Variants in SMYD2 observed in about 807,000 individuals in gnomAD.
The protein encoded by SMYD2 is N-lysine methyltransferase SMYD2.
A neutral mutation model predicts 59.1 loss-of-function variants in SMYD2; 53 were observed. The ratio of observed to expected loss-of-function variants is 0.90; its 90% CI spans 0.72 to 1.13. The LOEUF is 1.13. Ranked by LOEUF, SMYD2 falls within the 50% of genes most tolerant of loss-of-function variation. The pLI is 0.00. For synonymous variants in SMYD2, 208 were observed against 198.8 expected (o/e 1.05, Z -0.39); for missense variants, 494 against 544.7 (o/e 0.91, Z 0.93).
intron 1 of SMYD2, among the ~76,000 whole-genome samples, chr1:214,284,304 A>C (rs1434375250): frequency 9.2e-6 from 1 of 108,706 alleles, no homozygotes; most frequent in Non-Finnish European, 1.7e-5. Flanking sequence ...CTTGTTGCCC[A>C]GGCTGGAGTG....
chr1:214,284,609 C>G (rs1656504165), intron 1 of SMYD2, among the ~76,000 whole-genome samples: 1 of 151,732 alleles, frequency 6.6e-6, no homozygotes. Flanking sequence ...CTCTGTTGCC[C>G]AGGCTGGAGT....
rs1259451106 is a variant in SMYD2 at position 214,284,253 on chromosome 1, G to GTTTTTTT, written c.173+2826_173+2827insTTTTTTT. Among the ~76,000 whole-genome samples, 100 of 76,774 alleles carry GTTTTTTT rather than the reference G, an allele frequency of 1.3e-3. 2 individuals are homozygous for GTTTTTTT. The highest frequency in any genetic ancestry group is 2.4e-3 in the African/African-American group (40 of 16,928). 50.4% of individuals were successfully genotyped at this position (76,774 alleles called of 152,430 possible). Reference sequence around the variant, plus strand: ...GCCATTTATCACCATTTTTTGGTGTGGTTTTTTTTTTTTTTTTTTTTTTTG... The same window carrying GTTTTTTT: ...GCCATTTATCACCATTTTTTGGTGTGTTTTTTTGTTTTTTTTTTTTTTTTTTTTTTTG... On this transcript the variant is annotated intron_variant, in intron 1 of 11. Coordinates refer to ENST00000366957, the MANE Select transcript of SMYD2 (RefSeq NM_020197.3).
chr1:214,331,178 A>G, intron 9 of SMYD2, 108 bp downstream of exon 9: 10 of 1,511,100 alleles, frequency 6.6e-6, no homozygotes, highest in East Asian at 2.3e-5. Flanking sequence ...TCTGAAAACC[A>G]AAGGAGGAAT....
At chr1:214,331,328 G>A in intron 9 of SMYD2, 1 of 409,972 alleles carries the variant, frequency 2.4e-6, no homozygotes, top group Non-Finnish European at 4.5e-6. Flanking sequence ...GAAGGACAGA[G>A]CCTTGATGGC....
chr1:214,315,743 G>A (rs1350441163), intron 3 of SMYD2, among the ~76,000 whole-genome samples: 1 of 152,222 alleles, frequency 6.6e-6, no homozygotes, highest in Non-Finnish European at 1.5e-5. Flanking sequence ...AATGTGTACA[G>A]CAGTTACAAG....
rs144604941 is a variant in SMYD2, at chr1:214,297,418, G to A, written c.174-7769G>A. On this transcript the variant is annotated intron_variant, in intron 1 of 11. Coordinates refer to ENST00000366957, the MANE Select transcript of SMYD2 (RefSeq NM_020197.3). ...ATTACATTGCAAATGAAAAATTTAC[G>A]ACTGTGTCTTTTGTAGGAACGGAGT... 9.6e-3 allele frequency among the ~76,000 whole-genome samples: 1,461 copies of A among 151,702 alleles called. 27 individuals carry two copies. The highest frequency in any genetic ancestry group is 0.033 in the African/African-American group (1,370 of 41,308).
intron 1 of SMYD2, among the ~76,000 whole-genome samples, chr1:214,302,874 C>T (rs1002586042): frequency 2.0e-5 from 3 of 152,120 alleles, no homozygotes; most frequent in Admixed American, 2.0e-4. Flanking sequence ...TGTTGTGGAG[C>T]TAATAAATGT....
chr1:214,336,445 T>C (rs1336469676), intron 11 of SMYD2, among the ~76,000 whole-genome samples: 3 of 152,204 alleles, frequency 2.0e-5, no homozygotes. Context: ...GGCAGGAGAA[T>C]GGCGTGAACC....
chr1:214,281,797 CA>C (rs1656454712), intron 1 of SMYD2, among the ~76,000 whole-genome samples: 1 of 152,264 alleles, frequency 6.6e-6, no homozygotes, highest in Non-Finnish European at 1.5e-5. Flanking sequence ...AGCGGAGCCC[CA>C]AATTTGGGCA....
intron 1 of SMYD2, among the ~76,000 whole-genome samples, chr1:214,295,801 CAGGGTTATAAT>C (rs1656717270): frequency 6.6e-6 from 1 of 152,190 alleles, no homozygotes; most frequent in Admixed American, 6.5e-5. Flanking sequence ...GTCCCCTGAC[CAGGGTTATAAT>C]AGGGTTCTGC....
chr1:214,335,276 AC>A (rs1205606770), intron 11 of SMYD2, among the ~76,000 whole-genome samples: 2 of 152,248 alleles, frequency 1.3e-5, no homozygotes, highest in Non-Finnish European at 2.9e-5. Flanking sequence ...GGAAGGGAGC[AC>A]AGAACAAAAT....
intron 3 of SMYD2, among the ~76,000 whole-genome samples, 185 bp downstream of exon 3, chr1:214,315,057 T>C (rs1657059087): frequency 6.6e-6 from 1 of 152,210 alleles, no homozygotes; most frequent in Non-Finnish European, 1.5e-5. Flanking sequence ...TTGTGTGCCC[T>C]GTGCAATTAG....
rs377255919 is a variant in SMYD2, at chr1:214,306,999, C to A, written c.237+1749C>A. On this transcript the variant is annotated intron_variant, in intron 2 of 11. Transcript: ENST00000366957. ...CAGCCTAACTAACATGGTGAAACCC[C>A]GTCTCTACTAAAAATAGAAAAAAAT... is the stretch of plus-strand genomic sequence containing the variant. 2.6e-5 allele frequency among the ~76,000 whole-genome samples: 4 copies of A among 152,282 alleles called. No individual in the cohort carries two copies. The South Asian group carries it at 8.3e-4, about 32-fold the overall frequency.
At chr1:214,288,158 C>G (rs1004395086) in intron 1 of SMYD2, among the ~76,000 whole-genome samples, 1 of 152,204 alleles carries the variant, frequency 6.6e-6, no homozygotes, top group Non-Finnish European at 1.5e-5. Context: ...ACAGAATCCT[C>G]TCAATCAAAA....
At position 214,332,199 on chromosome 1, in the gene SMYD2, G is replaced by T. The variant is rs377480785; in HGVS notation, c.1112+7G>T. 3.4e-5 allele frequency: 55 copies of T among 1,613,468 alleles called. No homozygotes were observed. The African/African-American group carries it at 6.4e-4, about 19-fold the overall frequency. ...AAATCATTAAGCCCTACAGGTGATT[G>T]CAGAGGCTGTTCTAATCATCCACGG... On this transcript the variant is annotated splice_region_variant and intron_variant, in intron 10 of 11. Transcript: ENST00000366957.
intron 5 of SMYD2, among the ~76,000 whole-genome samples, chr1:214,319,684 C>T (rs1318518007): frequency 6.6e-6 from 1 of 151,812 alleles, no homozygotes; most frequent in Non-Finnish European, 1.5e-5. Flanking sequence ...ACACAACCTT[C>T]CTGTTATCGT....
chr1:214,305,331 C>T lies in SMYD2; in HGVS notation c.237+81C>T, dbSNP rs143457453. 215 of 1,309,266 alleles carry T rather than the reference C, an allele frequency of 1.6e-4. No individual in the cohort carries two copies. In the African/African-American group the frequency reaches 2.8e-3, roughly 17 times the overall value. 81.1% of individuals were successfully genotyped at this position (1,309,266 alleles called of 1,614,324 possible). A position where few individuals can be genotyped will look rare whatever the true frequency, so the allele number is the denominator to read the frequency against. Reference sequence around the variant, plus strand: ...CCTTGTCATGGCATTCCTCAGCGCCCTCCTGGAGCCAGAGCTGGAAAGCAT... The same window carrying T: ...CCTTGTCATGGCATTCCTCAGCGCCTTCCTGGAGCCAGAGCTGGAAAGCAT... On this transcript the variant is annotated intron_variant, in intron 2 of 11. Transcript: ENST00000366957.
At chr1:214,307,088 T>G (rs7519274) in intron 2 of SMYD2, among the ~76,000 whole-genome samples, 80,982 of 152,154 alleles carry the variant, frequency 0.53, 22,674 homozygotes, top group African/African-American at 0.71. Flanking sequence ...CTGGAGAATC[T>G]CTTGAACCTG....
At chr1:214,289,970 A>G (rs1656610599) in intron 1 of SMYD2, among the ~76,000 whole-genome samples, 1 of 152,202 alleles carries the variant, frequency 6.6e-6, no homozygotes, top group Non-Finnish European at 1.5e-5. Flanking sequence ...TTTGGCAGGG[A>G]ATTAACTGAA....
Sources: allele counts gnomAD v4.1 joint callset (sites outside exome capture counted in the v4.1 genomes callset), GRCh38; gene constraint gnomAD v4.1.1; transcripts MANE v1.5; gene names NCBI Gene and HGNC (gene_info 2026-07-23, HGNC 2026-07-21).